The following SYNE2 variants were observed in gnomAD, a reference collection of about 807,000 sequenced individuals.
SYNE2 encodes nesprin-2.
A neutral mutation model predicts 856.3 loss-of-function variants in SYNE2; 431 were observed. The ratio of observed to expected loss-of-function variants is 0.50; its 90% CI spans 0.47 to 0.55. The LOEUF (loss-of-function observed/expected upper bound fraction) is 0.55, where lower values mean the gene tolerates loss of function less well. SYNE2 is among the 20% of genes least tolerant of loss of function. The pLI, the probability that SYNE2 is intolerant of heterozygous loss-of-function variation, is 0.00. For missense variants in SYNE2, 8,129 were observed against 8,023.2 expected, an observed-to-expected ratio of 1.01 and a Z score of -0.50; for synonymous variants, 2,923 against 2,872.3, an observed-to-expected ratio of 1.02 and a Z score of -0.56.
At chr14:64,140,106 C>G (rs1204258839) in intron 80 of SYNE2, 33 bp downstream of exon 80, 14 of 1,597,406 alleles carry the variant, frequency 8.8e-6, no homozygotes, top group Non-Finnish European at 1.1e-5. Flanking sequence ...CAGTTAATTA[C>G]TGGTCAGAAA....
At chr14:63,795,509 T>TTA (rs554942542) in intron 1 of SYNE2, among the ~76,000 whole-genome samples, 7 of 152,178 alleles carry the variant, frequency 4.6e-5, no homozygotes, top group African/African-American at 1.2e-4. Context: ...AAACTCCCCT[T>TTA]TATATATATA....
At position 64,024,274 on chromosome 14, in the gene SYNE2, A is replaced by T; in HGVS notation, c.5655A>T (p.Glu1885Asp). 1 of 1,614,032 alleles carries T rather than the reference A, an allele frequency of 6.2e-7. No homozygotes were observed. Among genetic ancestry groups the T allele is most frequent in the Non-Finnish European group, 8.5e-7 (1 of 1,179,928 alleles). The change falls in exon 39 of 116, where the codon GAA becomes GAT. Residue 1885 changes from glutamate to aspartate, a missense_variant. Physicochemically the swap from Glu to Asp is conservative, Grantham distance 45. This residue lies in a region of SYNE2 where 2,422 missense variants were observed against 2,357.4 expected (regional missense o/e 1.03). Transcript: ENST00000555002. ...TTCTGAAGGATTTCTTGACTCTTGA[A>T]GGAAGAAACAGTAAAATAAAGCAGG... Reference protein sequence around the residue: ...LQKLSDFLTLEGRNSKIKQVD... With the variant: ...LQKLSDFLTLDGRNSKIKQVD...
At chr14:64,172,952 A>C (rs1384445540) in intron 94 of SYNE2, among the ~76,000 whole-genome samples, 1 of 151,634 alleles carries the variant, frequency 6.6e-6, no homozygotes, top group East Asian at 1.9e-4. Context: ...AAAAAAGGTT[A>C]TCTTTGGAAT....
intron 1 of SYNE2, among the ~76,000 whole-genome samples, chr14:63,907,053 T>G (rs2095417279): frequency 6.6e-6 from 1 of 152,324 alleles, no homozygotes; most frequent in East Asian, 1.9e-4. Flanking sequence ...TTTCAACATA[T>G]GGACTTTGGG....
intron 21 of SYNE2, 66 bp from the exon 22 acceptor site, chr14:63,993,769 G>T (rs1357259613): frequency 1.4e-6 from 2 of 1,449,124 alleles, no homozygotes; most frequent in Non-Finnish European, 1.9e-6. Flanking sequence ...TAGCTTAGAG[G>T]ATTTTGAGGA....
At chr14:63,885,987 T>C (rs144586663) in intron 1 of SYNE2, among the ~76,000 whole-genome samples, 5 of 152,316 alleles carry the variant, frequency 3.3e-5, no homozygotes, top group South Asian at 2.1e-4. Flanking sequence ...ATTTTCTTAA[T>C]TGGACCCGGC....
Position 64,081,406 on chromosome 14 carries a change from G to A in SYNE2, c.11347-37G>A, listed in dbSNP as rs937259292. The A allele has an allele frequency of 4.3e-6, 7 of 1,613,804 alleles. No individual in the cohort carries two copies. The East Asian group carries it at 1.3e-4, about 31-fold the overall frequency. Reference sequence around the variant, plus strand: ...AGGAGTCATTCAGCTCCAGTAAAAGGCATCTGACTAAGTTTGGTCCTGCAT... The same window carrying A: ...AGGAGTCATTCAGCTCCAGTAAAAGACATCTGACTAAGTTTGGTCCTGCAT... On this transcript the variant is annotated intron_variant, in intron 56 of 115. Coordinates refer to ENST00000555002, the MANE Select transcript of SYNE2 (RefSeq NM_182914.3).
rs546705580 is a variant in SYNE2, at chr14:63,960,330, C to T, written c.788-1195C>T. Among the ~76,000 whole-genome samples the T allele has an allele frequency of 5.3e-5, 8 of 152,254 alleles. 1 individual carries two copies. The South Asian group carries it at 1.5e-3, about 28-fold the overall frequency. Reference sequence around the variant, plus strand: ...TCTACTTCAGGTGACTTAGAGCACTCATTGAACCTAGTAAATATGTTCACT... The same window carrying T: ...TCTACTTCAGGTGACTTAGAGCACTTATTGAACCTAGTAAATATGTTCACT... On this transcript the variant is annotated intron_variant, in intron 8 of 115. Coordinates refer to ENST00000555002, the MANE Select transcript of SYNE2 (RefSeq NM_182914.3).
At chr14:63,947,297 T>G (rs1241289344) in intron 6 of SYNE2, among the ~76,000 whole-genome samples, 1 of 152,240 alleles carries the variant, frequency 6.6e-6, no homozygotes, top group Admixed American at 6.5e-5. Context: ...CCACTTGTGC[T>G]ATTGAACACT....
In SYNE2 at chr14:63,963,995, T is replaced by G. The variant is rs1215828371; in HGVS notation, c.985T>G (p.Tyr329Asp). 1 of 1,571,518 alleles carries G rather than the reference T, an allele frequency of 6.4e-7. No homozygotes were observed. The highest frequency in any genetic ancestry group is 2.3e-5 in the East Asian group (1 of 44,294). ...DSENDTYFKK[Y>D]NSLLSFMESF... ...AGAGAATGATACCTACTTTAAAAAG[T>G]ATAATGTAAGTATGATTTTAAACAG... Residue 329 changes from tyrosine to aspartate, a missense_variant, in exon 10 of 116, where the codon TAT (tyrosine) becomes GAT (aspartate). Around this residue, in one of 3 missense-constraint regions of SYNE2, gnomAD observed 2,422 missense variants for 2,357.4 expected, o/e 1.03. Coordinates refer to ENST00000555002, the MANE Select transcript of SYNE2 (RefSeq NM_182914.3).
At position 64,047,988 on chromosome 14, in the gene SYNE2, T is replaced by C. The variant is rs370855587; in HGVS notation, c.7222-12T>C. ...TAGACTATTCAGCAATTAATCTTTT[T>C]ATGTATTTCAGGATTCAGCTGTGGA... On this transcript the variant is annotated splice_polypyrimidine_tract_variant and intron_variant, in intron 45 of 115. Coordinates refer to ENST00000555002, the MANE Select transcript of SYNE2 (RefSeq NM_182914.3). 14 of 1,613,138 alleles carry C rather than the reference T, an allele frequency of 8.7e-6. No individual in the cohort carries two copies. The African/African-American group carries it at 1.3e-4, about 15-fold the overall frequency.
chr14:63,952,330 C>T (rs1311337347), intron 7 of SYNE2, among the ~76,000 whole-genome samples: 1 of 152,222 alleles, frequency 6.6e-6, no homozygotes, highest in Non-Finnish European at 1.5e-5. Context: ...CCCTCAGCTG[C>T]AGCCGCCATC....
intron 60 of SYNE2, among the ~76,000 whole-genome samples, chr14:64,092,409 A>G (rs145773408): frequency 6.6e-6 from 1 of 152,190 alleles, no homozygotes; most frequent in Non-Finnish European, 1.5e-5. Context: ...TCTACTTTAG[A>G]TATTGTAAGT....
intron 1 of SYNE2, among the ~76,000 whole-genome samples, chr14:63,794,937 A>C (rs1887864597): frequency 6.6e-6 from 1 of 152,226 alleles, no homozygotes; most frequent in Admixed American, 6.5e-5. Context: ...ACATCTGCCT[A>C]CACAAACACT....
At chr14:64,018,373 T>C (rs1289194008) in intron 34 of SYNE2, among the ~76,000 whole-genome samples, 1 of 152,148 alleles carries the variant, frequency 6.6e-6, no homozygotes, top group Non-Finnish European at 1.5e-5. Context: ...CTGAGTACAC[T>C]GGGATTACAG....
chr14:64,039,322 A>G (rs1278135195), intron 45 of SYNE2, among the ~76,000 whole-genome samples: 1 of 152,244 alleles, frequency 6.6e-6, no homozygotes, highest in Non-Finnish European at 1.5e-5. Flanking sequence ...GGGATAGTGA[A>G]GGTTACTGAC....
At position 64,159,320 on chromosome 14, in the gene SYNE2, A is replaced by T; in HGVS notation, c.15972A>T (p.Gln5324His). The change falls in exon 87 of 116, where the codon CAA becomes CAT. Residue 5324 changes from glutamine (Q) to histidine (H), a missense_variant. Physicochemically the swap from Gln to His is conservative, Grantham distance 24. Coordinates refer to ENST00000555002, the MANE Select transcript of SYNE2 (RefSeq NM_182914.3). Reference sequence around the variant, plus strand: ...TTGTTTGTGTCTCTTAGTCTCTGCAAGATGAAGCTGAGAGCAGTGAAGGGA... The same window carrying T: ...TTGTTTGTGTCTCTTAGTCTCTGCATGATGAAGCTGAGAGCAGTGAAGGGA... ...RCQVENLQSL[Q>H]DEAESSEGSW... 1 of 1,613,962 alleles carries T rather than the reference A, an allele frequency of 6.2e-7. No individual in the cohort carries two copies. The highest frequency in any genetic ancestry group is 1.1e-5 in the South Asian group (1 of 91,084).
intron 21 of SYNE2, among the ~76,000 whole-genome samples, chr14:63,992,945 T>C (rs1406687597): frequency 6.6e-6 from 1 of 152,220 alleles, no homozygotes; most frequent in Non-Finnish European, 1.5e-5. Context: ...CCCGGAGTTA[T>C]TCATCTTCTC....
chr14:63,956,415 T>C (rs1440596209), intron 8 of SYNE2: 1 of 456,612 alleles, frequency 2.2e-6, no homozygotes, highest in Admixed American at 2.3e-5. Flanking sequence ...TTATTGATGA[T>C]TTTTTCACAA....
Sources: allele counts gnomAD v4.1 joint callset (sites outside exome capture counted in the v4.1 genomes callset), GRCh38; gene constraint gnomAD v4.1.1; regional missense constraint gnomAD v4.1.1; transcripts MANE v1.5; gene names NCBI Gene and HGNC (gene_info 2026-07-23, HGNC 2026-07-21).